LIN28B: variants seen among roughly 807,000 people sequenced by gnomAD.
The protein encoded by LIN28B is lin-28 RNA binding posttranscriptional regulator B, also known as protein lin-28 homolog B.
LIN28B carries 5 observed loss-of-function variants against 21.9 expected under a neutral mutation model. The observed-to-expected ratio is 0.23, with a 90% CI of 0.12 to 0.48. The LOEUF (loss-of-function observed/expected upper bound fraction) is 0.48. Ranked by LOEUF, LIN28B falls within the 20% of genes least tolerant of loss-of-function variation. LIN28B has a pLI of 0.98. For missense variants in LIN28B, 245 were observed against 310.5 expected (o/e 0.79, Z 1.58); for synonymous variants, 109 against 111.3 (o/e 0.98, Z 0.13).
intron 2 of LIN28B, among the ~76,000 whole-genome samples, chr6:104,946,211 A>G (rs1269012500): frequency 1.3e-5 from 2 of 152,194 alleles, no homozygotes; most frequent in East Asian, 1.9e-4. Flanking sequence ...TCAAACTCCA[A>G]TAGCCTAATA....
rs1374146674 is a variant in LIN28B, at chr6:105,083,325, G to T, written c.*4542G>T. On this transcript the variant is annotated 3_prime_UTR_variant, in exon 4 of 4. Coordinates refer to ENST00000345080, the MANE Select transcript of LIN28B (RefSeq NM_001004317.4). ...GATTAAAAATAAAACATATAACGTT[G>T]GCATTTATGATGGGTTTTGGAGATT... 6.6e-6 allele frequency: 1 copy of T among 152,076 alleles called. No homozygotes were observed. Among genetic ancestry groups the T allele is most frequent in the Non-Finnish European group, 1.5e-5 (1 of 68,004 alleles). 9.4% of individuals were successfully genotyped at this position (152,076 alleles called of 1,614,324 possible).
At chr6:105,038,613 AAGG>A (rs959254157) in intron 3 of LIN28B, among the ~76,000 whole-genome samples, 6 of 152,190 alleles carry the variant, frequency 3.9e-5, no homozygotes, top group African/African-American at 1.2e-4. Context: ...CCATCCAGAG[AAGG>A]AGATTTCTGT....
Position 105,026,479 on chromosome 6 carries a change from A to C in LIN28B, c.380A>C (p.Asp127Ala). Reference protein sequence around the residue: ...KTLQKRKPKGDRCYNCGGLDH... With the variant: ...KTLQKRKPKGARCYNCGGLDH... ...CTACAGAAAAGAAAACCAAAGGGAG[A>C]TAGGTAATCATTTTTACTTTGTTAA... Residue 127 changes from aspartate (D) to alanine (A), a missense_variant, in exon 3 of 4, where the codon GAT becomes GCT. Asp to Ala is a moderately radical substitution (Grantham distance 126). Coordinates refer to ENST00000345080, the MANE Select transcript of LIN28B (RefSeq NM_001004317.4). The C allele has an allele frequency of 6.5e-7, 1 of 1,545,324 alleles. No homozygotes were observed. Among genetic ancestry groups the C allele is most frequent in the South Asian group, 1.2e-5 (1 of 81,170 alleles).
At chr6:104,979,298 C>T (rs963566172) in intron 2 of LIN28B, among the ~76,000 whole-genome samples, 1 of 151,900 alleles carries the variant, frequency 6.6e-6, no homozygotes, top group African/African-American at 2.4e-5. Context: ...CAACCTCCGC[C>T]TCCCAGGCTC....
intron 2 of LIN28B, among the ~76,000 whole-genome samples, chr6:104,988,474 C>CA (rs1770393879): frequency 6.7e-6 from 1 of 148,332 alleles, no homozygotes; most frequent in South Asian, 2.1e-4. Flanking sequence ...TTGGAAGAGT[C>CA]TACCAGTGCA....
At chr6:105,066,178 A>G (rs1466641369) in intron 3 of LIN28B, among the ~76,000 whole-genome samples, 6 of 152,182 alleles carry the variant, frequency 3.9e-5, no homozygotes, top group Non-Finnish European at 8.8e-5. Flanking sequence ...GTCTCAAAAA[A>G]TAATAATTAG....
At chr6:104,990,959 T>C (rs907077443) in intron 2 of LIN28B, among the ~76,000 whole-genome samples, 3 of 152,240 alleles carry the variant, frequency 2.0e-5, no homozygotes, top group African/African-American at 7.2e-5. Context: ...TATGTCTCCT[T>C]CTTTCTACAC....
intron 2 of LIN28B, among the ~76,000 whole-genome samples, chr6:105,003,717 G>A (rs1022137634): frequency 1.3e-5 from 2 of 151,992 alleles, no homozygotes; most frequent in Admixed American, 6.6e-5. Context: ...TTCACTATAT[G>A]TTAGCCAGGC....
intron 3 of LIN28B, among the ~76,000 whole-genome samples, chr6:105,070,371 G>T (rs1772307691): frequency 6.6e-6 from 1 of 151,960 alleles, no homozygotes; most frequent in African/African-American, 2.4e-5. Context: ...AATTATAATT[G>T]CTCTTTTTTA....
At chr6:105,002,588 T>C (rs1475692444) in intron 2 of LIN28B, among the ~76,000 whole-genome samples, 2 of 152,194 alleles carry the variant, frequency 1.3e-5, no homozygotes. Context: ...CATGACTAGT[T>C]AGTAGCTACC....
chr6:104,979,155 T>C (rs1770166131), intron 2 of LIN28B, among the ~76,000 whole-genome samples: 1 of 152,082 alleles, frequency 6.6e-6, no homozygotes, highest in Non-Finnish European at 1.5e-5. Flanking sequence ...GTACATGTGA[T>C]TATAGGATAT....
intron 2 of LIN28B, among the ~76,000 whole-genome samples, chr6:104,970,411 G>A (rs1269306655): frequency 1.3e-5 from 2 of 152,092 alleles, no homozygotes; most frequent in African/African-American, 4.8e-5. Flanking sequence ...TTCCCTTTTA[G>A]TTAGTCACAG....
chr6:104,970,900 ATATT>A (rs1479703990), intron 2 of LIN28B, among the ~76,000 whole-genome samples: 2 of 152,138 alleles, frequency 1.3e-5, no homozygotes, highest in Non-Finnish European at 2.9e-5. Context: ...ACCTCCTGTG[ATATT>A]TATATACTTT....
At chr6:105,077,691 A>C (rs1772461268) in intron 3 of LIN28B, among the ~76,000 whole-genome samples, 1 of 152,168 alleles carries the variant, frequency 6.6e-6, no homozygotes, top group Non-Finnish European at 1.5e-5. Context: ...ACTAGCATGA[A>C]CCTTTATTAA....
At chr6:105,047,375 G>A (rs437471) in intron 3 of LIN28B, among the ~76,000 whole-genome samples, 120,298 of 151,812 alleles carry the variant, frequency 0.79, 48,228 homozygotes, top group Non-Finnish European at 0.86. Flanking sequence ...CCATTGGTCT[G>A]TATCCCTGTT....
chr6:104,974,100 A>G (rs1770033043), intron 2 of LIN28B, among the ~76,000 whole-genome samples: 1 of 152,226 alleles, frequency 6.6e-6, no homozygotes, highest in Non-Finnish European at 1.5e-5. Flanking sequence ...CTAATAATGA[A>G]AATAAATTGA....
At chr6:104,999,529 CAA>C (rs1394855418) in intron 2 of LIN28B, among the ~76,000 whole-genome samples, 2 of 152,016 alleles carry the variant, frequency 1.3e-5, no homozygotes, top group Admixed American at 1.3e-4. Context: ...TGGATATGCA[CAA>C]AGATATTTAT....
Position 104,944,902 on chromosome 6 carries a change from G to A in LIN28B, c.19-5559G>A, listed in dbSNP as rs139948058. On this transcript the variant is annotated intron_variant, in intron 2 of 5. Coordinates refer to the LIN28B transcript ENST00000635857. ...CTAGTTTTTTCTTAGCGGAACAAAA[G>A]CTTAATTATATGGAAAAAAAGACTT... Among the ~76,000 whole-genome samples, 1,278 of 152,056 alleles carry A rather than the reference G, an allele frequency of 8.4e-3. 14 individuals carry two copies. Among genetic ancestry groups the A allele is most frequent in the Non-Finnish European group, 0.012 (830 of 67,892 alleles).
intron 3 of LIN28B, among the ~76,000 whole-genome samples, chr6:105,050,193 C>T (rs1016550639): frequency 2.0e-5 from 3 of 152,098 alleles, no homozygotes; most frequent in Non-Finnish European, 4.4e-5. Context: ...TCAGGGCAGG[C>T]CTGGTGGTGA....
Sources: gnomAD v4.1 joint callset for allele counts (sites outside exome capture counted in the v4.1 genomes callset) on GRCh38, gnomAD v4.1.1 for gene constraint, MANE v1.5 for transcripts, NCBI Gene and HGNC (gene_info 2026-07-23, HGNC 2026-07-21) for gene names.